Variants in AGBL4 observed in about 807,000 individuals in gnomAD.
AGBL4 encodes cytosolic carboxypeptidase 6.
AGBL4 carries 58 observed loss-of-function variants against 66.4 expected under a neutral mutation model. The observed-to-expected ratio is 0.87, with a 90% CI of 0.71 to 1.09. The LOEUF (loss-of-function observed/expected upper bound fraction) is 1.09, where lower values mean the gene tolerates loss of function less well. Among genes scored for constraint, AGBL4 ranks in the 50% least tolerant of loss-of-function variants. AGBL4 has a pLI of 0.00. For synonymous variants in AGBL4, 234 were observed against 222.9 expected, an observed-to-expected ratio of 1.05 and a Z score of -0.44; for missense variants, 579 against 631.0, an observed-to-expected ratio of 0.92 and a Z score of 0.88.
chr1:49,979,288 C>T (rs981227001), intron 1 of AGBL4, among the ~76,000 whole-genome samples: 1 of 151,184 alleles, frequency 6.6e-6, no homozygotes, highest in African/African-American at 2.4e-5. Context: ...GGTGAAACCC[C>T]GTCTCTACTA....
intron 6 of AGBL4, among the ~76,000 whole-genome samples, chr1:48,685,493 C>T (rs147230499): frequency 1.3e-5 from 2 of 152,278 alleles, no homozygotes; most frequent in South Asian, 4.1e-4. Flanking sequence ...GAACAAGATG[C>T]CTTGGGCTCC....
At chr1:49,602,215 G>C (rs1208243724) in intron 3 of AGBL4, among the ~76,000 whole-genome samples, 2 of 152,184 alleles carry the variant, frequency 1.3e-5, no homozygotes, top group Non-Finnish European at 2.9e-5. Context: ...AGAGGATGTG[G>C]AGAAACAGGA....
intron 5 of AGBL4, among the ~76,000 whole-genome samples, chr1:49,012,866 T>C (rs1034916281): frequency 2.6e-5 from 4 of 152,180 alleles, no homozygotes; most frequent in Non-Finnish European, 5.9e-5. Flanking sequence ...CTGTAAGAGA[T>C]AATTGGGTCA....
chr1:48,824,317 A>G (rs1646379674), intron 6 of AGBL4, among the ~76,000 whole-genome samples: 2 of 152,242 alleles, frequency 1.3e-5, no homozygotes, highest in South Asian at 2.1e-4. Flanking sequence ...ACCATAACCC[A>G]CATGATCAGA....
chr1:48,720,051 A>G (rs1647119763), intron 6 of AGBL4, among the ~76,000 whole-genome samples: 1 of 152,216 alleles, frequency 6.6e-6, no homozygotes, highest in Non-Finnish European at 1.5e-5. Context: ...CTAGGCGGAA[A>G]TAACTTTTTT....
chr1:49,268,897 A>G (rs1333409578), intron 3 of AGBL4, among the ~76,000 whole-genome samples: 1 of 152,174 alleles, frequency 6.6e-6, no homozygotes, highest in Non-Finnish European at 1.5e-5. Context: ...CATATTCTTT[A>G]TACTATGATT....
intron 3 of AGBL4, among the ~76,000 whole-genome samples, chr1:49,694,312 C>CT (rs1282792468): frequency 1.3e-5 from 2 of 152,108 alleles, no homozygotes; most frequent in African/African-American, 4.8e-5. Flanking sequence ...AAACTATTTT[C>CT]TTTAACGTAG....
chr1:48,690,462 A>G (rs1245207223), intron 6 of AGBL4, among the ~76,000 whole-genome samples: 5 of 152,196 alleles, frequency 3.3e-5, no homozygotes, highest in African/African-American at 1.2e-4. Flanking sequence ...ATCAGATGTC[A>G]GAGAAAGAAG....
intron 1 of AGBL4, among the ~76,000 whole-genome samples, chr1:49,931,474 A>T (rs1653350612): frequency 6.6e-6 from 1 of 152,164 alleles, no homozygotes; most frequent in Non-Finnish European, 1.5e-5. Flanking sequence ...CTTACATGGT[A>T]GCAGAAGAGA....
chr1:48,944,230 C>A (rs556537601), intron 5 of AGBL4, among the ~76,000 whole-genome samples: 1 of 151,810 alleles, frequency 6.6e-6, no homozygotes, highest in South Asian at 2.1e-4. Flanking sequence ...GTGGCTCAGT[C>A]TTCCCAGGGG....
intron 1 of AGBL4, among the ~76,000 whole-genome samples, chr1:49,931,277 A>AT (rs1215075510): frequency 1.3e-5 from 2 of 152,228 alleles, no homozygotes; most frequent in African/African-American, 4.8e-5. Context: ...GATATACTAT[A>AT]TTCATGAGTT....
At chr1:49,639,260 A>G (rs1294844672) in intron 3 of AGBL4, among the ~76,000 whole-genome samples, 1 of 152,220 alleles carries the variant, frequency 6.6e-6, no homozygotes, top group East Asian at 1.9e-4. Flanking sequence ...ACACCCTGCT[A>G]TCAAAATTGG....
intron 6 of AGBL4, among the ~76,000 whole-genome samples, chr1:48,707,208 C>T (rs1646894414): frequency 1.3e-5 from 2 of 152,072 alleles, no homozygotes; most frequent in South Asian, 2.1e-4. Context: ...GTGGGAGGGT[C>T]GCTTGAGCCC....
At chr1:49,845,537 C>T (rs1646118002) in intron 2 of AGBL4, 1 of 1,591,124 alleles carries the variant, frequency 6.3e-7, no homozygotes, top group African/African-American at 1.3e-5. Flanking sequence ...CATAGCTAGT[C>T]CTTGACCAAA....
intron 6 of AGBL4, among the ~76,000 whole-genome samples, chr1:48,821,369 T>A (rs1449214440): frequency 6.6e-6 from 1 of 152,136 alleles, no homozygotes; most frequent in Non-Finnish European, 1.5e-5. Context: ...GCTGGCTGGA[T>A]AAAGAAAATG....
rs182857587 is a variant in AGBL4, at chr1:49,895,316, G to A, written c.35-43798C>T. On this transcript the variant is annotated intron_variant, in intron 1 of 13. Coordinates refer to ENST00000371839, the MANE Select transcript of AGBL4 (RefSeq NM_032785.4). ...ATGAACACTAAGAAATCATCAGAAG[G>A]CACAAAAATCACAGGTAACCGTAAG... Among the ~76,000 whole-genome samples, 511 of 151,782 alleles carry A rather than the reference G, an allele frequency of 3.4e-3. 5 individuals are homozygous for A. The highest frequency in any genetic ancestry group is 0.012 in the African/African-American group (494 of 41,426).
chr1:48,671,151 C>A lies in AGBL4; in HGVS notation c.635-7910G>T, dbSNP rs563943770. 1.3e-3 allele frequency among the ~76,000 whole-genome samples: 204 copies of A among 152,244 alleles called. 2 individuals carry two copies. The highest frequency in any genetic ancestry group is 2.6e-3 in the Admixed American group (40 of 15,284). On this transcript the variant is annotated intron_variant, in intron 6 of 13. Coordinates refer to ENST00000371839, the MANE Select transcript of AGBL4 (RefSeq NM_032785.4). Reference sequence around the variant, plus strand: ...TCTCAGCTACCAATGCTCCTGGGAACTGAGGACTCAATCCTGAAGATCTGA... The same window carrying A: ...TCTCAGCTACCAATGCTCCTGGGAAATGAGGACTCAATCCTGAAGATCTGA...
intron 4 of AGBL4, among the ~76,000 whole-genome samples, chr1:49,200,394 C>T (rs189218079): frequency 1.2e-4 from 19 of 152,300 alleles, no homozygotes; most frequent in South Asian, 4.1e-4. Flanking sequence ...GCAATCAATT[C>T]TGCAATGGAT....
intron 3 of AGBL4, among the ~76,000 whole-genome samples, chr1:49,649,087 G>A (rs1645949569): frequency 6.6e-6 from 1 of 152,000 alleles, no homozygotes; most frequent in Admixed American, 6.6e-5. Context: ...GGACAGGAGG[G>A]ACAAATACAG....
Sources: allele counts gnomAD v4.1 joint callset (sites outside exome capture counted in the v4.1 genomes callset), GRCh38; gene constraint gnomAD v4.1.1; transcripts MANE v1.5; gene names NCBI Gene and HGNC (gene_info 2026-07-23, HGNC 2026-07-21).